PTPRD: variants seen among roughly 807,000 people sequenced by gnomAD.
PTPRD encodes the protein protein tyrosine phosphatase receptor type D.
Under a neutral mutation model 214.5 loss-of-function variants are expected in PTPRD, and 34 were observed. The ratio of observed to expected loss-of-function variants is 0.16; its 90% CI spans 0.12 to 0.21. PTPRD has a LOEUF of 0.21. Ranked by LOEUF, PTPRD falls within the 10% of genes least tolerant of loss-of-function variation. PTPRD has a pLI of 1.00. For missense variants in PTPRD, 2,545 were observed against 2,398.7 expected (o/e 1.06, Z -1.27); for synonymous variants, 1,128 against 845.7 (o/e 1.33, Z -5.79).
intron 3 of PTPRD, among the ~76,000 whole-genome samples, chr9:10,243,998 T>C (rs2091621673): frequency 6.7e-6 from 1 of 149,476 alleles, no homozygotes; most frequent in African/African-American, 2.4e-5. Flanking sequence ...TAAAGTAGGA[T>C]CATAATTATG....
chr9:9,729,728 A>C (rs1300148481), intron 7 of PTPRD, among the ~76,000 whole-genome samples: 1 of 152,058 alleles, frequency 6.6e-6, no homozygotes, highest in African/African-American at 2.4e-5. Flanking sequence ...TATATTACCC[A>C]ATCCCTATCA....
intron 44 of PTPRD, among the ~76,000 whole-genome samples, chr9:8,326,604 C>T (rs955177921): frequency 1.3e-5 from 2 of 151,152 alleles, no homozygotes; most frequent in African/African-American, 4.9e-5. Flanking sequence ...AGGAAGGAGT[C>T]CCTCTTTTTG....
At chr9:9,861,532 C>T (rs529209852) in intron 5 of PTPRD, among the ~76,000 whole-genome samples, 48 of 152,290 alleles carry the variant, frequency 3.2e-4, no homozygotes, top group Admixed American at 2.3e-3. Context: ...CCTCGTGATC[C>T]GCCCACCTCG....
Position 9,773,756 on chromosome 9 carries a change from T to G in PTPRD, c.-367-6905A>C, listed in dbSNP as rs558385387. ...CTGCTGAAGCAAGACTGATACCAGG[T>G]TGCCTGGAACATTCCAACATCCAAT... is the stretch of plus-strand genomic sequence containing the variant. On this transcript the variant is annotated intron_variant, in intron 5 of 45. Transcript: ENST00000381196. Among the ~76,000 whole-genome samples, 32 of 152,282 alleles carry G rather than the reference T, an allele frequency of 2.1e-4. No homozygotes were observed. In the East Asian group the frequency reaches 6.2e-3, roughly 29 times the overall value.
At chr9:9,699,737 G>A in intron 7 of PTPRD, among the ~76,000 whole-genome samples, 1 of 152,162 alleles carries the variant, frequency 6.6e-6, no homozygotes, top group Admixed American at 6.6e-5. Context: ...TAAAGTTTTA[G>A]TAGTTGAAAA....
chr9:8,589,338 G>A (rs1332632518), intron 14 of PTPRD, among the ~76,000 whole-genome samples: 1 of 152,130 alleles, frequency 6.6e-6, no homozygotes, highest in Admixed American at 6.5e-5. Context: ...ATTTAATGTA[G>A]CAAAATACTC....
chr9:8,370,618 G>A (rs2081255144), intron 39 of PTPRD, among the ~76,000 whole-genome samples: 1 of 152,038 alleles, frequency 6.6e-6, no homozygotes, highest in Non-Finnish European at 1.5e-5. Flanking sequence ...CTTTGATTTA[G>A]AAAGAGTGAA....
At chr9:10,203,378 G>C (rs941429246) in intron 3 of PTPRD, among the ~76,000 whole-genome samples, 1 of 151,856 alleles carries the variant, frequency 6.6e-6, no homozygotes, top group African/African-American at 2.4e-5. Context: ...AGCTGTTAGA[G>C]GTATTTTATA....
At chr9:8,624,401 AT>A (rs985170293) in intron 14 of PTPRD, among the ~76,000 whole-genome samples, 13 of 151,784 alleles carry the variant, frequency 8.6e-5, no homozygotes, top group African/African-American at 3.1e-4. Flanking sequence ...ACAAAAACTT[AT>A]TTTTCAGAGT....
At chr9:8,828,636 T>G (rs939477392) in intron 11 of PTPRD, among the ~76,000 whole-genome samples, 2 of 152,354 alleles carry the variant, frequency 1.3e-5, no homozygotes, top group South Asian at 2.1e-4. Context: ...GCTGCTGAAT[T>G]GATACCAGGT....
chr9:8,890,858 T>C (rs2098533042), intron 11 of PTPRD, among the ~76,000 whole-genome samples: 1 of 152,118 alleles, frequency 6.6e-6, no homozygotes, highest in Non-Finnish European at 1.5e-5. Flanking sequence ...AGGCTAAAAA[T>C]GAGGGCGTGA....
chr9:10,414,613 A>C (rs928596707), intron 2 of PTPRD, among the ~76,000 whole-genome samples: 8 of 151,976 alleles, frequency 5.3e-5, no homozygotes, highest in African/African-American at 1.7e-4. Flanking sequence ...AATATAAATT[A>C]TTCTACCATA....
At chr9:8,476,201 T>A (rs1026567092) in intron 30 of PTPRD, among the ~76,000 whole-genome samples, 1 of 152,266 alleles carries the variant, frequency 6.6e-6, no homozygotes, top group Middle Eastern at 3.4e-3. Flanking sequence ...GGTTTTGAGA[T>A]GAAACTGTTC....
chr9:9,396,043 A>T (rs2067678298), intron 9 of PTPRD, among the ~76,000 whole-genome samples: 3 of 152,074 alleles, frequency 2.0e-5, no homozygotes, highest in Admixed American at 2.0e-4. Flanking sequence ...AATCCTTTAC[A>T]GTTTACCCTG....
At chr9:8,858,300 C>A (rs892236778) in intron 11 of PTPRD, 6 of 153,062 alleles carry the variant, frequency 3.9e-5, no homozygotes, top group Admixed American at 1.3e-4. Context: ...CTCTTCTTCC[C>A]CCCAAAAGTG....
intron 39 of PTPRD, among the ~76,000 whole-genome samples, chr9:8,358,275 T>A (rs942029408): frequency 1.3e-5 from 2 of 151,642 alleles, no homozygotes; most frequent in Non-Finnish European, 2.9e-5. Flanking sequence ...ATTCCCCCCA[T>A]CATTTTTTTT....
chr9:9,784,881 C>A (rs1225316379), intron 5 of PTPRD, among the ~76,000 whole-genome samples: 1 of 148,472 alleles, frequency 6.7e-6, no homozygotes, highest in African/African-American at 2.5e-5. Flanking sequence ...CACACACACG[C>A]ACACACCTAT....
chr9:9,316,824 G>T (rs1215497821), intron 9 of PTPRD, among the ~76,000 whole-genome samples: 4 of 152,088 alleles, frequency 2.6e-5, no homozygotes, highest in African/African-American at 9.7e-5. Context: ...GGACTACGTG[G>T]TAATTCTTTT....
At chr9:8,837,025 C>CTTTT (rs1183213879) in intron 11 of PTPRD, among the ~76,000 whole-genome samples, 1 of 125,194 alleles carries the variant, frequency 8.0e-6, no homozygotes, top group African/African-American at 2.9e-5. Flanking sequence ...CCACACCCAG[C>CTTTT]TTTTTTTTTT....
Sources: gnomAD v4.1 joint callset for allele counts (sites outside exome capture counted in the v4.1 genomes callset) on GRCh38, gnomAD v4.1.1 for gene constraint, MANE v1.5 for transcripts, NCBI Gene and HGNC (gene_info 2026-07-23, HGNC 2026-07-21) for gene names.